MYCBP2: variants seen among roughly 807,000 people sequenced by gnomAD.
MYCBP2 encodes E3 ubiquitin-protein ligase MYCBP2.
A neutral mutation model predicts 525.3 loss-of-function variants in MYCBP2; 120 were observed. The ratio of observed to expected loss-of-function variants is 0.23; its 90% CI spans 0.20 to 0.27. The LOEUF (loss-of-function observed/expected upper bound fraction) is 0.27. MYCBP2 is among the 10% of genes least tolerant of loss of function. MYCBP2 has a pLI of 1.00. For missense variants in MYCBP2, 4,149 were observed against 5,657.1 expected (o/e 0.73, Z 8.55); for synonymous variants, 1,894 against 1,955.8 (o/e 0.97, Z 0.83).
chr13:77,294,131 C>CATATATATATACATATATATATATACAT (rs2077897877), intron 2 of MYCBP2, among the ~76,000 whole-genome samples: 11 of 65,700 alleles, frequency 1.7e-4, no homozygotes, highest in African/African-American at 5.3e-4. Flanking sequence ...TATATATATA[C>CATATATATATACATATATATATATACAT]ATATATATAT....
chr13:77,216,185 T>C (rs1196757480), intron 21 of MYCBP2, among the ~76,000 whole-genome samples: 1 of 152,142 alleles, frequency 6.6e-6, no homozygotes, highest in African/African-American at 2.4e-5. Context: ...AAATCGGAGA[T>C]AATCTAGGCA....
intron 52 of MYCBP2, among the ~76,000 whole-genome samples, chr13:77,137,142 T>A (rs75302039): frequency 6.6e-6 from 1 of 152,304 alleles, no homozygotes; most frequent in African/African-American, 2.4e-5. Context: ...TAACCTTTGT[T>A]ACTCCCTTCT....
In MYCBP2 at chr13:77,278,801, G is replaced by A. The variant is rs775093267; in HGVS notation, c.705C>T (p.Gly235=). The change falls in exon 4 of 83, where the codon GGC becomes GGT. Residue 235 remains glycine (G), a synonymous_variant. Transcript: ENST00000544440. ...SLQALLNVLQ[G]QQPEGLQSEP... Reference sequence around the variant, plus strand: ...CAGACTGGAGGCCTTCTGGCTGCTGGCCCTGCAGCACGTTGAGCAGGGCTT... The same window carrying A: ...CAGACTGGAGGCCTTCTGGCTGCTGACCCTGCAGCACGTTGAGCAGGGCTT... The A allele has an allele frequency of 3.8e-6, 6 of 1,589,806 alleles. No homozygotes were observed. The African/African-American group carries it at 8.1e-5, about 22-fold the overall frequency.
chr13:77,220,504 T>C (rs1427832843), intron 20 of MYCBP2, among the ~76,000 whole-genome samples: 1 of 152,136 alleles, frequency 6.6e-6, no homozygotes, highest in Non-Finnish European at 1.5e-5. Flanking sequence ...CAATAACACT[T>C]TTCCATCTTC....
At chr13:77,202,380 T>G (rs370459374) in intron 26 of MYCBP2, among the ~76,000 whole-genome samples, 2 of 152,040 alleles carry the variant, frequency 1.3e-5, no homozygotes, top group Non-Finnish European at 2.9e-5. Context: ...AATAACAGGA[T>G]CTGAAATTGT....
intron 20 of MYCBP2, 107 bp from the exon 21 acceptor site, chr13:77,218,064 T>A (rs2065066781): frequency 3.0e-6 from 2 of 662,036 alleles, no homozygotes; most frequent in Admixed American, 6.3e-5. Flanking sequence ...AAGGCACTCA[T>A]AAGAATATTC....
intron 80 of MYCBP2, among the ~76,000 whole-genome samples, chr13:77,052,999 G>T (rs1341315898): frequency 6.6e-6 from 1 of 152,044 alleles, no homozygotes; most frequent in African/African-American, 2.4e-5. Flanking sequence ...TTAGCCAGGC[G>T]TGGTGGTGAG....
chr13:77,177,710 C>G lies in MYCBP2; in HGVS notation c.5340+38G>C, dbSNP rs376652177. Reference sequence around the variant, plus strand: ...ACAATGGTAAATCCTGATACACAACCCACTAATCAGGATAAATACTAAAAG... The same window carrying G: ...ACAATGGTAAATCCTGATACACAACGCACTAATCAGGATAAATACTAAAAG... On this transcript the variant is annotated intron_variant, in intron 35 of 82. Coordinates refer to ENST00000544440, the MANE Select transcript of MYCBP2 (RefSeq NM_015057.5). 207 of 1,493,550 alleles carry G rather than the reference C, an allele frequency of 1.4e-4. 2 individuals carry two copies. Among genetic ancestry groups the G allele is most frequent in the Non-Finnish European group, 2.1e-5 (23 of 1,072,248 alleles). 92.5% of individuals were successfully genotyped at this position (1,493,550 alleles called of 1,614,324 possible).
At chr13:77,252,122 G>A (rs1474118593) in intron 14 of MYCBP2, among the ~76,000 whole-genome samples, 1 of 152,008 alleles carries the variant, frequency 6.6e-6, no homozygotes, top group Non-Finnish European at 1.5e-5. Context: ...TTTTAAAATG[G>A]TGTTACAATA....
At chr13:77,182,137 G>A (rs2060271810) in intron 32 of MYCBP2, among the ~76,000 whole-genome samples, 1 of 152,004 alleles carries the variant, frequency 6.6e-6, no homozygotes, top group Admixed American at 6.6e-5. Flanking sequence ...ATTAAGTCTG[G>A]TCAAGAAAAA....
Position 77,261,921 on chromosome 13 carries a change from A to T in MYCBP2, c.1647+132T>A, listed in dbSNP as rs993121517. 27 of 701,822 alleles carry T rather than the reference A, an allele frequency of 3.8e-5. 1 individual carries two copies. In the South Asian group the frequency reaches 6.4e-4, roughly 17 times the overall value. 43.5% of individuals were successfully genotyped at this position (701,822 alleles called of 1,614,324 possible). ...ACATGAATAAAATTTTATCTTATAA[A>T]AAATAATTTTAAATCAAAATTTAAA... On this transcript the variant is annotated intron_variant, in intron 11 of 82. Transcript: ENST00000544440.
At chr13:77,224,651 G>T in intron 19 of MYCBP2, 119 bp from the exon 20 acceptor site, 1 of 531,790 alleles carries the variant, frequency 1.9e-6, no homozygotes, top group Non-Finnish European at 3.3e-6. Context: ...TTAAAAATAG[G>T]TAACTGAAGG....
chr13:77,321,474 G>T (rs1275183360), intron 1 of MYCBP2, among the ~76,000 whole-genome samples: 1 of 152,156 alleles, frequency 6.6e-6, no homozygotes, highest in Non-Finnish European at 1.5e-5. Context: ...AATAAATAAC[G>T]TCTCTTCATA....
chr13:77,121,404 T>C lies in MYCBP2; in HGVS notation c.8109A>G (p.Gln2703=), dbSNP rs144465482. 7 of 1,595,138 alleles carry C rather than the reference T, an allele frequency of 4.4e-6. No homozygotes were observed. Among genetic ancestry groups the C allele is most frequent in the Non-Finnish European group, 5.1e-6 (6 of 1,167,296 alleles). ...TATTTCCGAGTCCATAATCAAATCC[T>C]TGGGCACTGCAACTTGCCCCTTTAT... ...AFNKGASCSA[Q]GFDYGLGNSK... Residue 2703 remains glutamine, a synonymous_variant, in exon 55 of 83, where the codon CAA becomes CAG. Coordinates refer to ENST00000544440, the MANE Select transcript of MYCBP2 (RefSeq NM_015057.5).
intron 55 of MYCBP2, among the ~76,000 whole-genome samples, chr13:77,101,003 T>C (rs530847480): frequency 2.0e-5 from 3 of 152,176 alleles, no homozygotes; most frequent in African/African-American, 7.2e-5. Flanking sequence ...TATGGCAAAT[T>C]TGGTAAACAA....
intron 19 of MYCBP2, among the ~76,000 whole-genome samples, chr13:77,224,959 G>C (rs1011037085): frequency 2.0e-5 from 3 of 151,884 alleles, no homozygotes; most frequent in African/African-American, 7.3e-5. Flanking sequence ...TAATCTTCAA[G>C]GAAGGAATTT....
intron 2 of MYCBP2, among the ~76,000 whole-genome samples, chr13:77,294,131 C>CATATATATATATATATAGATATACAT: frequency 1.5e-5 from 1 of 65,692 alleles, no homozygotes; most frequent in Admixed American, 2.0e-4. Context: ...TATATATATA[C>CATATATATATATATATAGATATACAT]ATATATATAT....
At chr13:77,084,949 C>A (rs2043975147) in intron 62 of MYCBP2, among the ~76,000 whole-genome samples, 1 of 151,862 alleles carries the variant, frequency 6.6e-6, no homozygotes, top group African/African-American at 2.4e-5. Flanking sequence ...GGCTCTTTTC[C>A]CAATTGTGGG....
chr13:77,126,641 G>T, intron 52 of MYCBP2, 99 bp from the exon 53 acceptor site: 1 of 788,398 alleles, frequency 1.3e-6, no homozygotes, highest in Non-Finnish European at 2.0e-6. Flanking sequence ...CTACAGTACT[G>T]TCAATATAAA....
Sources: gnomAD v4.1 joint callset for allele counts (sites outside exome capture counted in the v4.1 genomes callset) on GRCh38, gnomAD v4.1.1 for gene constraint, MANE v1.5 for transcripts, NCBI Gene and HGNC (gene_info 2026-07-23, HGNC 2026-07-21) for gene names.